FAIM2: variants seen among roughly 807,000 people sequenced by gnomAD.
FAIM2 encodes the protein Fas apoptotic inhibitory molecule 2.
In FAIM2, 27 loss-of-function variants were observed where a neutral mutation model predicts 47.4. The ratio of observed to expected loss-of-function variants is 0.57; its 90% CI spans 0.42 to 0.78. The LOEUF (loss-of-function observed/expected upper bound fraction) is 0.78. FAIM2 is among the 30% of genes least tolerant of loss of function. The pLI is 0.00. For synonymous variants in FAIM2, 156 were observed against 159.3 expected, an observed-to-expected ratio of 0.98 and a Z score of 0.16; for missense variants, 311 against 389.4, an observed-to-expected ratio of 0.80 and a Z score of 1.69.
At chr12:49,885,146 G>A (rs1946852639) in intron 11 of FAIM2, among the ~76,000 whole-genome samples, 6 of 152,206 alleles carry the variant, frequency 3.9e-5, no homozygotes, top group Admixed American at 3.9e-4. Flanking sequence ...AACAGAGGAT[G>A]GGGACTATTG....
intron 4 of FAIM2, 62 bp downstream of exon 4, chr12:49,897,454 GTTC>G (rs1315833080): frequency 2.0e-5 from 29 of 1,462,112 alleles, no homozygotes; most frequent in Non-Finnish European, 2.7e-5. Flanking sequence ...CTGATCATGG[GTTC>G]CCCGGCTCCA....
chr12:49,893,282 C>T (rs1375385782), intron 5 of FAIM2, among the ~76,000 whole-genome samples: 1 of 152,076 alleles, frequency 6.6e-6, no homozygotes, highest in African/African-American at 2.4e-5. Flanking sequence ...CCTCTCATCA[C>T]AACCTGCTGT....
Position 49,901,135 on chromosome 12 carries a change from T to G in FAIM2, c.206A>C (p.Asp69Ala). 6.3e-7 allele frequency: 1 copy of G among 1,587,588 alleles called. No individual in the cohort carries two copies. Among genetic ancestry groups the G allele is most frequent in the Non-Finnish European group, 8.5e-7 (1 of 1,170,676 alleles). The change falls in exon 2 of 12, where the codon GAC becomes GCC. Residue 69 changes from aspartate (D) to alanine (A), a missense_variant. Coordinates refer to ENST00000320634, the MANE Select transcript of FAIM2 (RefSeq NM_012306.4). Reference protein sequence around the residue: ...VPLHPSWAYVDPSSSSSYDNG... With the variant: ...VPLHPSWAYVAPSSSSSYDNG... ...CCAGGAGCTGAAAGACTTACTGGGGTCCACATAGGCCCAGCTAGGGTGGAG... is the reference window on the plus strand; with the variant it reads ...CCAGGAGCTGAAAGACTTACTGGGGGCCACATAGGCCCAGCTAGGGTGGAG...
intron 11 of FAIM2, among the ~76,000 whole-genome samples, chr12:49,880,830 TTATG>T (rs1946819736): frequency 6.6e-6 from 1 of 151,056 alleles, no homozygotes; most frequent in Non-Finnish European, 1.5e-5. Flanking sequence ...ATATGTGAGT[TTATG>T]TGAGTGTATG....
chr12:49,879,750 G>T (rs1285608169), intron 11 of FAIM2, among the ~76,000 whole-genome samples: 4 of 150,864 alleles, frequency 2.7e-5, no homozygotes, highest in Admixed American at 1.3e-4. Context: ...GAATGTGTAT[G>T]CATGTATGTG....
rs1156700429 is a variant in FAIM2, at chr12:49,874,536, C to T, written c.802-3883G>A. On this transcript the variant is annotated intron_variant, in intron 11 of 11. Coordinates refer to ENST00000320634, the MANE Select transcript of FAIM2 (RefSeq NM_012306.4). The surrounding 1 kb of genome is among the most constrained non-coding windows in gnomAD (Gnocchi z 4.2). ...AACCTGGCCGGGGACCCCAGCCACA[C>T]ATTTGGCCTGACCCTGCCATATCTG... is the stretch of plus-strand genomic sequence containing the variant. 6.6e-6 allele frequency among the ~76,000 whole-genome samples: 1 copy of T among 152,222 alleles called. No homozygotes were observed. Among genetic ancestry groups the T allele is most frequent in the African/African-American group, 2.4e-5 (1 of 41,450 alleles).
chr12:49,874,607 G>A lies in FAIM2; in HGVS notation c.802-3954C>T, dbSNP rs188219338. 6.6e-6 allele frequency among the ~76,000 whole-genome samples: 1 copy of A among 152,322 alleles called. No homozygotes were observed. The highest frequency in any genetic ancestry group is 2.4e-5 in the African/African-American group (1 of 41,566). On this transcript the variant is annotated intron_variant, in intron 11 of 11. Coordinates refer to ENST00000320634, the MANE Select transcript of FAIM2 (RefSeq NM_012306.4). The surrounding 1 kb of genome is among the most constrained non-coding windows in gnomAD (Gnocchi z 4.2). ...TGTCCTCCCTGAATGTGGCCCCAGA[G>A]GTGACGCTGAGGGGCTCTGGGCAGT...
chr12:49,870,791 C>T (rs1946697011), intron 11 of FAIM2, 138 bp from the exon 12 acceptor site: 1 of 709,166 alleles, frequency 1.4e-6, no homozygotes, highest in Admixed American at 2.7e-5. Flanking sequence ...CAGTGGCCCT[C>T]CTGTGACACC....
At chr12:49,890,196 C>A (rs73293458) in intron 7 of FAIM2, 42 bp from the exon 8 acceptor site, 2 of 1,606,528 alleles carry the variant, frequency 1.2e-6, no homozygotes, top group East Asian at 2.2e-5. Flanking sequence ...CAAACTCAGA[C>A]GCAGGGGCCC....
Position 49,867,640 on chromosome 12 carries a change from C to G in FAIM2, c.*2864G>C, listed in dbSNP as rs1946672755. On this transcript the variant is annotated 3_prime_UTR_variant, in exon 12 of 12. Transcript: ENST00000320634. The stretch of plus-strand genomic sequence containing the variant: ...AGATTCCTGGCTGCCTCCAGCTTTA[C>G]AAAATCCAGCCCACCCCTTCCTGGG... 1 of 152,338 alleles carries G rather than the reference C, an allele frequency of 6.6e-6. No homozygotes were observed. The highest frequency in any genetic ancestry group is 2.1e-4 in the South Asian group (1 of 4,838). The allele number at this position is 152,338 out of a possible 1,614,324, so 9.4% of individuals were successfully genotyped here. A position where few individuals can be genotyped will look rare whatever the true frequency, so the allele number is the denominator to read the frequency against.
intron 3 of FAIM2, among the ~76,000 whole-genome samples, 180 bp from the exon 4 acceptor site, chr12:49,897,763 C>T (rs887921751): frequency 1.6e-5 from 2 of 121,518 alleles, no homozygotes; most frequent in African/African-American, 1.0e-4. Context: ...GAGCCAAGCG[C>T]ACCCCCCCCC....
intron 3 of FAIM2, 87 bp downstream of exon 3, chr12:49,897,900 T>C (rs1308625936): frequency 9.8e-7 from 1 of 1,017,364 alleles, no homozygotes; most frequent in Admixed American, 1.7e-5. Context: ...AGGGATGGCT[T>C]CTGCAGGCAG....
chr12:49,878,591 T>TATTGTATGTGTGC (rs1946764794), intron 11 of FAIM2, among the ~76,000 whole-genome samples: 2 of 108,498 alleles, frequency 1.8e-5, no homozygotes, highest in African/African-American at 6.6e-5. Flanking sequence ...TGTACATGTG[T>TATTGTATGTGTGC]ATGTGTATGT....
chr12:49,902,652 C>T (rs1946989216), intron 1 of FAIM2, among the ~76,000 whole-genome samples: 1 of 152,006 alleles, frequency 6.6e-6, no homozygotes, highest in Non-Finnish European at 1.5e-5. Context: ...GTGAGTTCTC[C>T]ATGTTTACGG....
chr12:49,900,077 C>T, intron 2 of FAIM2: 1 of 569,096 alleles, frequency 1.8e-6, no homozygotes, highest in South Asian at 1.8e-5. Flanking sequence ...GGCCAGGCCA[C>T]AGAGGGAAGG....
intron 11 of FAIM2, among the ~76,000 whole-genome samples, chr12:49,870,955 T>A (rs898283470): frequency 2.0e-5 from 3 of 152,052 alleles, no homozygotes; most frequent in East Asian, 1.9e-4. Flanking sequence ...TATAACAAGG[T>A]TCCAGGCAGC....
chr12:49,886,850 G>A (rs2137095992), intron 11 of FAIM2, among the ~76,000 whole-genome samples: 1 of 152,270 alleles, frequency 6.6e-6, no homozygotes, highest in South Asian at 2.1e-4. Flanking sequence ...TGGAGAGCTG[G>A]CTGGGGGGAA....
In FAIM2 at chr12:49,901,288, T is replaced by TGCC. The variant is rs749477851; in HGVS notation, c.50_52dup (p.Gly17_Gln18insArg). 2.5e-6 allele frequency: 4 copies of TGCC among 1,604,778 alleles called. No individual in the cohort carries two copies. In the South Asian group the frequency reaches 4.4e-5, roughly 18 times the overall value. ...CTTCTTCTCGCCATGCACCTGCTGCTGCCCCTCGGTCCCAGGGGCCTTGTT... is the reference window on the plus strand; with the variant it reads ...CTTCTTCTCGCCATGCACCTGCTGCTGCCGCCCCTCGGTCCCAGGGGCCTTGTT... On this transcript the variant is annotated inframe_insertion, in exon 2 of 12. Transcript: ENST00000320634.
chr12:49,903,218 C>G (rs297909), intron 1 of FAIM2, among the ~76,000 whole-genome samples: 113,387 of 152,208 alleles, frequency 0.74, 42,504 homozygotes, highest in South Asian at 0.85. Context: ...CTGGCCAAAA[C>G]CAAAACAACA....
Sources: gnomAD v4.1 joint callset for allele counts (sites outside exome capture counted in the v4.1 genomes callset) on GRCh38, gnomAD v4.1.1 for gene constraint, Gnocchi (gnomAD v3.1) non-coding constraint, MANE v1.5 for transcripts, NCBI Gene and HGNC (gene_info 2026-07-23, HGNC 2026-07-21) for gene names.